TAF4: variants seen among roughly 807,000 people sequenced by gnomAD.
The protein encoded by TAF4 is transcription initiation factor TFIID subunit 4.
Under a neutral mutation model 90.3 loss-of-function variants are expected in TAF4, and 9 were observed. The observed-to-expected ratio is 0.10, with a 90% CI of 0.06 to 0.17. The LOEUF is 0.17. Among genes scored for constraint, TAF4 ranks in the 10% least tolerant of loss-of-function variants. The pLI, the probability that TAF4 is intolerant of heterozygous loss-of-function variation, is 1.00. For synonymous variants in TAF4, 818 were observed against 638.9 expected (o/e 1.28, Z -4.23); for missense variants, 1,351 against 1,370.7 (o/e 0.99, Z 0.23).
rs78168632 is a variant in TAF4, at chr20:62,047,921, G to A, written c.1360+16530C>T. Reference sequence around the variant, plus strand: ...ATTCCTCGCCGAGATGTTCAAACACGGGCGCTGCCTGACACCGGCAACCCT... The same window carrying A: ...ATTCCTCGCCGAGATGTTCAAACACAGGCGCTGCCTGACACCGGCAACCCT... On this transcript the variant is annotated intron_variant, in intron 1 of 14. Transcript: ENST00000252996. Among the ~76,000 whole-genome samples the A allele has an allele frequency of 5.4e-3, 818 of 152,298 alleles. 19 individuals are homozygous for A. Among genetic ancestry groups the A allele is most frequent in the East Asian group, 0.047 (241 of 5,178 alleles).
In TAF4 at chr20:62,065,025, CGCGGGG is replaced by C. The variant is rs1276387440; in HGVS notation, c.780_785del (p.Pro263_Ala264del). 3.4e-5 allele frequency: 13 copies of C among 380,036 alleles called. No homozygotes were observed. The highest frequency in any genetic ancestry group is 4.0e-5 in the Non-Finnish European group (13 of 321,588). 23.5% of individuals were successfully genotyped at this position (380,036 alleles called of 1,614,324 possible). A position where few individuals can be genotyped will look rare whatever the true frequency, so the allele number is the denominator to read the frequency against. On this transcript the variant is annotated inframe_deletion, in exon 1 of 15. Transcript: ENST00000252996. Reference sequence around the variant, plus strand: ...GCGGGGCGGCGGCGGGGGCGGCGGGCGCGGGGGCGGCGGGGGGCGAGGGCGCGGCGG... The same window carrying C: ...GCGGGGCGGCGGCGGGGGCGGCGGGCGCGGCGGGGGGCGAGGGCGCGGCGG...
At chr20:61,998,313 A>T in intron 12 of TAF4, 121 bp from the exon 13 acceptor site, 1 of 996,822 alleles carries the variant, frequency 1.0e-6, no homozygotes, top group Non-Finnish European at 1.4e-6. Context: ...ATGCATAGCA[A>T]ATTTGTGAAA....
At chr20:62,020,792 T>C (rs970398812) in intron 1 of TAF4, among the ~76,000 whole-genome samples, 2 of 152,220 alleles carry the variant, frequency 1.3e-5, no homozygotes, top group Non-Finnish European at 2.9e-5. Flanking sequence ...CACCGAGGCA[T>C]TCCCCCTGAA....
intron 1 of TAF4, among the ~76,000 whole-genome samples, chr20:62,015,868 T>G (rs1041177804): frequency 6.6e-6 from 1 of 152,140 alleles, no homozygotes; most frequent in Non-Finnish European, 1.5e-5. Context: ...TGGTGATGCC[T>G]CTCCTGGGCT....
At chr20:62,063,519 G>A (rs959581506) in intron 1 of TAF4, among the ~76,000 whole-genome samples, 4 of 152,198 alleles carry the variant, frequency 2.6e-5, no homozygotes, top group East Asian at 1.9e-4. Context: ...AACTTGAGGG[G>A]CCCTGAGGAG....
chr20:62,053,647 T>C (rs1331899680), intron 1 of TAF4, among the ~76,000 whole-genome samples: 2 of 152,246 alleles, frequency 1.3e-5, no homozygotes, highest in African/African-American at 4.8e-5. Context: ...TCACCTGAGC[T>C]ACTGCCGAGT....
At chr20:62,024,117 CA>C (rs2055861283) in intron 1 of TAF4, among the ~76,000 whole-genome samples, 1 of 152,104 alleles carries the variant, frequency 6.6e-6, no homozygotes, top group South Asian at 2.1e-4. Flanking sequence ...AGTGTTGGTG[CA>C]AAGTTAAACA....
At chr20:61,997,810 A>G in intron 13 of TAF4, 141 bp from the exon 14 acceptor site, 1 of 1,128,570 alleles carries the variant, frequency 8.9e-7, no homozygotes, top group Non-Finnish European at 1.2e-6. Flanking sequence ...CTCAATAGTA[A>G]GCATATTCTA....
intron 1 of TAF4, among the ~76,000 whole-genome samples, chr20:62,023,048 T>C (rs2145486387): frequency 6.6e-6 from 1 of 152,324 alleles, no homozygotes; most frequent in East Asian, 1.9e-4. Context: ...GCAGAAGCAA[T>C]GCATCCCAAA....
chr20:62,053,721 AGG>A (rs1439752656), intron 1 of TAF4, among the ~76,000 whole-genome samples: 8 of 152,254 alleles, frequency 5.3e-5, no homozygotes, highest in African/African-American at 9.6e-5. Flanking sequence ...GCACGGTCTG[AGG>A]CCTGCTGGCT....
chr20:61,983,823 G>A (rs1311575619), intron 14 of TAF4, among the ~76,000 whole-genome samples: 2 of 152,138 alleles, frequency 1.3e-5, no homozygotes, highest in African/African-American at 4.8e-5. Context: ...ATGCTACAGA[G>A]AGACACGGAA....
intron 14 of TAF4, among the ~76,000 whole-genome samples, chr20:61,978,752 G>A (rs928468586): frequency 6.6e-6 from 1 of 152,178 alleles, no homozygotes; most frequent in Non-Finnish European, 1.5e-5. Context: ...GCCTCCTTGG[G>A]GCTGAGGCCA....
chr20:62,039,092 CT>C, intron 1 of TAF4, among the ~76,000 whole-genome samples: 1 of 152,020 alleles, frequency 6.6e-6, no homozygotes, highest in African/African-American at 2.4e-5. Context: ...TATCAAGAGG[CT>C]TTTTTTGTAG....
At chr20:62,046,614 G>A (rs777583266) in intron 1 of TAF4, among the ~76,000 whole-genome samples, 8 of 152,194 alleles carry the variant, frequency 5.3e-5, no homozygotes, top group South Asian at 4.1e-4. Flanking sequence ...TGGACACTTC[G>A]GTTCTTTCCA....
intron 14 of TAF4, among the ~76,000 whole-genome samples, chr20:61,987,215 G>A (rs1002453696): frequency 2.0e-5 from 3 of 152,066 alleles, no homozygotes; most frequent in Admixed American, 6.6e-5. Flanking sequence ...CCAGACAAAC[G>A]CAAACTAAGG....
intron 1 of TAF4, among the ~76,000 whole-genome samples, chr20:62,015,519 C>T (rs1404254062): frequency 2.0e-5 from 3 of 152,218 alleles, no homozygotes; most frequent in Admixed American, 2.0e-4. Context: ...TGCACTCTTT[C>T]CCGAGTGAAG....
chr20:62,010,287 G>A lies in TAF4; in HGVS notation c.1642-122C>T. 1 of 1,459,474 alleles carries A rather than the reference G, an allele frequency of 6.9e-7. No homozygotes were observed. The highest frequency in any genetic ancestry group is 1.4e-5 in the African/African-American group (1 of 71,364). The allele number at this position is 1,459,474 out of a possible 1,614,324, so 90.4% of individuals were successfully genotyped here. A position where few individuals can be genotyped will look rare whatever the true frequency, so the allele number is the denominator to read the frequency against. ...CTGCGGTGGCCAGGACGCCCAGGAA[G>A]CCAAGGACCCCGGCCACCTGCCAGC... On this transcript the variant is annotated intron_variant, in intron 3 of 14. Coordinates refer to ENST00000252996, the MANE Select transcript of TAF4 (RefSeq NM_003185.4). The surrounding 1 kb of genome is among the most constrained non-coding windows in gnomAD (Gnocchi z 4.5).
intron 1 of TAF4, among the ~76,000 whole-genome samples, chr20:62,027,840 C>T (rs1444384155): frequency 3.3e-5 from 5 of 152,226 alleles, no homozygotes; most frequent in African/African-American, 4.8e-5. Context: ...TCGCTCCATG[C>T]GCACGGGGCA....
chr20:62,057,633 GCC>G (rs1277280020), intron 1 of TAF4, among the ~76,000 whole-genome samples: 9,606 of 144,376 alleles, frequency 0.067, 3,219 homozygotes, highest in East Asian at 0.11. Flanking sequence ...ACGGACACAG[GCC>G]TACACACCAG....
Sources: allele counts gnomAD v4.1 joint callset (sites outside exome capture counted in the v4.1 genomes callset), GRCh38; gene constraint gnomAD v4.1.1; non-coding constraint Gnocchi (gnomAD v3.1); transcripts MANE v1.5; gene names NCBI Gene and HGNC (gene_info 2026-07-23, HGNC 2026-07-21).